Variants in TM4SF20 observed in about 807,000 individuals in gnomAD.
The protein encoded by TM4SF20 is transmembrane 4 L six family member 20.
In TM4SF20, 13 loss-of-function variants were observed where a neutral mutation model predicts 15.1. The ratio of observed to expected loss-of-function variants is 0.86; its 90% CI spans 0.56 to 1.36. TM4SF20 has a LOEUF of 1.36. Ranked by LOEUF, TM4SF20 falls within the 40% of genes most tolerant of loss-of-function variation. The probability of loss-of-function intolerance (pLI) is 0.00; values close to 1 mark genes in which losing one functional copy is unlikely to be tolerated. For missense variants in TM4SF20, 282 were observed against 268.4 expected, an observed-to-expected ratio of 1.05 and a Z score of -0.35; for synonymous variants, 92 against 96.6, an observed-to-expected ratio of 0.95 and a Z score of 0.28.
At chr2:227,377,995 T>TA (rs147928359) in intron 1 of TM4SF20, among the ~76,000 whole-genome samples, 8 of 151,182 alleles carry the variant, frequency 5.3e-5, no homozygotes, top group Non-Finnish European at 1.2e-4. Context: ...AAAAAAAAGT[T>TA]AAAAAAAAGT....
intron 1 of TM4SF20, among the ~76,000 whole-genome samples, chr2:227,377,643 T>C (rs2076457519): frequency 6.6e-6 from 1 of 152,036 alleles, no homozygotes; most frequent in Non-Finnish European, 1.5e-5. Flanking sequence ...TCCACAGCCA[T>C]AAAAAAGGAA....
chr2:227,380,019 G>A (rs2076472133), upstream of TM4SF20, among the ~76,000 whole-genome samples: 1 of 152,220 alleles, frequency 6.6e-6, no homozygotes. Context: ...ACTATCAGTT[G>A]GCATAAGCTT....
At chr2:227,379,408 G>T, upstream of TM4SF20, 1 of 635,230 alleles carries the variant, frequency 1.6e-6, no homozygotes, top group Non-Finnish European at 2.6e-6. Context: ...CAATAGGGTA[G>T]GACATTATTA....
intron 1 of TM4SF20, 110 bp from the exon 2 acceptor site, chr2:227,371,090 G>A: frequency 7.5e-6 from 7 of 935,178 alleles, no homozygotes; most frequent in Admixed American, 3.7e-5. Context: ...AAGGCTCAAA[G>A]AACAAAAAGG....
At chr2:227,373,943 AAAAT>A (rs1454844009) in intron 1 of TM4SF20, among the ~76,000 whole-genome samples, 50 of 151,888 alleles carry the variant, frequency 3.3e-4, no homozygotes, top group Middle Eastern at 6.8e-3. Context: ...AAAAAAAAAA[AAAAT>A]ATGTGGAAGA....
chr2:227,363,706 CATT>C lies in TM4SF20; in HGVS notation c.*15_*17del. ...AATTAATTCAAACTACTGATACTTACATTTTATTCCCATTAAACTACACAATTT... is the reference window on the plus strand; with the variant it reads ...AATTAATTCAAACTACTGATACTTACTTATTCCCATTAAACTACACAATTT... On this transcript the variant is annotated 3_prime_UTR_variant, in exon 4 of 4. Coordinates refer to ENST00000304568, the MANE Select transcript of TM4SF20 (RefSeq NM_024795.4). 1 of 1,594,316 alleles carries C rather than the reference CATT, an allele frequency of 6.3e-7. No individual in the cohort carries two copies. The highest frequency in any genetic ancestry group is 1.1e-5 in the South Asian group (1 of 88,068).
intron 2 of TM4SF20, among the ~76,000 whole-genome samples, chr2:227,366,680 A>G (rs1222733275): frequency 1.5e-5 from 2 of 132,490 alleles, no homozygotes; most frequent in Admixed American, 8.9e-5. Flanking sequence ...AGATCGTGCC[A>G]TTGCACTCCT....
In TM4SF20 at chr2:227,363,117, A is replaced by T. The variant is rs1179755843; in HGVS notation, c.*607T>A. On this transcript the variant is annotated 3_prime_UTR_variant, in exon 4 of 4. Transcript: ENST00000304568. ...TGTATTTATTCTTTAAAGAAATACA[A>T]TAAAAAGGTCCTGTCCTTTAGGCGC... 1 of 152,204 alleles carries T rather than the reference A, an allele frequency of 6.6e-6. No homozygotes were observed. The highest frequency in any genetic ancestry group is 6.5e-5 in the Admixed American group (1 of 15,282). 9.4% of individuals were successfully genotyped at this position (152,204 alleles called of 1,614,324 possible). A position where few individuals can be genotyped will look rare whatever the true frequency, so the allele number is the denominator to read the frequency against.
intron 1 of TM4SF20, among the ~76,000 whole-genome samples, chr2:227,372,412 G>A (rs1457298919): frequency 3.9e-5 from 6 of 152,088 alleles, no homozygotes; most frequent in South Asian, 2.1e-4. Flanking sequence ...TTAGGAGGCC[G>A]AGGTGGGTGG....
chr2:227,378,868 T>C (rs1418340493), intron 1 of TM4SF20, among the ~76,000 whole-genome samples: 1 of 152,246 alleles, frequency 6.6e-6, no homozygotes, highest in Non-Finnish European at 1.5e-5. Context: ...TACTAATTAA[T>C]TTATTTTTTT....
chr2:227,375,201 A>G (rs2076441654), intron 1 of TM4SF20, among the ~76,000 whole-genome samples: 1 of 152,030 alleles, frequency 6.6e-6, no homozygotes, highest in Non-Finnish European at 1.5e-5. Flanking sequence ...TGCTGGGATT[A>G]CAGGCATAAG....
chr2:227,375,992 T>C lies in TM4SF20; in HGVS notation c.183+3094A>G, dbSNP rs952213670. On this transcript the variant is annotated intron_variant, in intron 1 of 3. Transcript: ENST00000304568. ...AATACTCGAACAAATAACATTTGTATTGATTTTTCCATTTAAAGTTAAAGA... is the reference window on the plus strand; with the variant it reads ...AATACTCGAACAAATAACATTTGTACTGATTTTTCCATTTAAAGTTAAAGA... Among the ~76,000 whole-genome samples, 9 of 152,246 alleles carry C rather than the reference T, an allele frequency of 5.9e-5. 1 individual carries two copies. Among genetic ancestry groups the C allele is most frequent in the Non-Finnish European group, 8.8e-5 (6 of 68,038 alleles).
At chr2:227,366,453 C>T (rs1218533606) in intron 2 of TM4SF20, among the ~76,000 whole-genome samples, 1 of 151,998 alleles carries the variant, frequency 6.6e-6, no homozygotes, top group African/African-American at 2.4e-5. Flanking sequence ...TGGGGCTGGG[C>T]ATGGTGGCTC....
Position 227,362,110 on chromosome 2 carries a change from C to A in TM4SF20, c.*1614G>T, listed in dbSNP as rs1222461290. The A allele has an allele frequency of 2.0e-5, 3 of 152,102 alleles. No individual in the cohort carries two copies. Among genetic ancestry groups the A allele is most frequent in the African/African-American group, 7.2e-5 (3 of 41,414 alleles). The allele number at this position is 152,102 out of a possible 1,614,324, so 9.4% of individuals were successfully genotyped here. ...TGCAAATTATTTCTGGAACCTTAAG[C>A]CCAATGAACATAAACAATTGAAATA... On this transcript the variant is annotated 3_prime_UTR_variant, in exon 4 of 4. Coordinates refer to ENST00000304568, the MANE Select transcript of TM4SF20 (RefSeq NM_024795.4).
At chr2:227,375,267 C>A (rs932189378) in intron 1 of TM4SF20, among the ~76,000 whole-genome samples, 1 of 152,000 alleles carries the variant, frequency 6.6e-6, no homozygotes, top group Non-Finnish European at 1.5e-5. Context: ...GTGGTGCATG[C>A]CTATAGTCCC....
chr2:227,364,095 T>G, intron 3 of TM4SF20, 83 bp from the exon 4 acceptor site: 1 of 1,311,498 alleles, frequency 7.6e-7, no homozygotes, highest in East Asian at 2.5e-5. Flanking sequence ...AAAGAATGAG[T>G]GAAACGAATG....
intron 2 of TM4SF20, among the ~76,000 whole-genome samples, chr2:227,368,312 C>A (rs1035761591): frequency 7.4e-6 from 1 of 134,508 alleles, no homozygotes; most frequent in African/African-American, 2.8e-5. Context: ...CGTGAGCCAC[C>A]ACGCCTGGCC....
chr2:227,381,404 T>G (rs2076479374), upstream of TM4SF20, among the ~76,000 whole-genome samples: 1 of 151,986 alleles, frequency 6.6e-6, no homozygotes, highest in South Asian at 2.1e-4. Flanking sequence ...TCTGCATGGT[T>G]GAGATTTCTA....
intron 1 of TM4SF20, among the ~76,000 whole-genome samples, chr2:227,376,136 A>T (rs911104840): frequency 2.6e-5 from 4 of 152,218 alleles, no homozygotes; most frequent in African/African-American, 9.6e-5. Context: ...ATCAATAATG[A>T]ATTCCATAGT....
Sources: allele counts gnomAD v4.1 joint callset (sites outside exome capture counted in the v4.1 genomes callset), GRCh38; gene constraint gnomAD v4.1.1; transcripts MANE v1.5; gene names NCBI Gene and HGNC (gene_info 2026-07-23, HGNC 2026-07-21).